GRM3: variants seen among roughly 807,000 people sequenced by gnomAD.
GRM3 encodes the protein metabotropic glutamate receptor 3.
A neutral mutation model predicts 70.5 loss-of-function variants in GRM3; 26 were observed. That is an observed-to-expected ratio of 0.37 (90% CI 0.27 to 0.51). GRM3 has a LOEUF of 0.51. GRM3 is among the 20% of genes least tolerant of loss of function. GRM3 has a pLI of 0.93. For synonymous variants in GRM3, 443 were observed against 434.9 expected, an observed-to-expected ratio of 1.02 and a Z score of -0.23; for missense variants, 859 against 1,123.8, an observed-to-expected ratio of 0.76 and a Z score of 3.37.
At chr7:86,751,966 C>G (rs1584215202) in intron 1 of GRM3, among the ~76,000 whole-genome samples, 1 of 152,148 alleles carries the variant, frequency 6.6e-6, no homozygotes. Flanking sequence ...CACAGCCACA[C>G]TAGCCATTCT....
At chr7:86,752,661 G>A (rs755244567) in intron 1 of GRM3, among the ~76,000 whole-genome samples, 5 of 152,038 alleles carry the variant, frequency 3.3e-5, no homozygotes, top group Non-Finnish European at 7.4e-5. Context: ...AGTTGCCATG[G>A]AATTTAAAGA....
At position 86,845,941 on chromosome 7, in the gene GRM3, G is replaced by A. The variant is rs964881511; in HGVS notation, c.2392-4429G>A. On this transcript the variant is annotated intron_variant, in intron 4 of 5. Coordinates refer to ENST00000361669, the MANE Select transcript of GRM3 (RefSeq NM_000840.3). Reference sequence around the variant, plus strand: ...CATGGCTTGTTCACTTAACTAATTTGGCCTTTACTCACACACCAAGTGTGT... The same window carrying A: ...CATGGCTTGTTCACTTAACTAATTTAGCCTTTACTCACACACCAAGTGTGT... Among the ~76,000 whole-genome samples the A allele has an allele frequency of 6.6e-5, 10 of 152,150 alleles. No homozygotes were observed. In the South Asian group the frequency reaches 1.9e-3, roughly 28 times the overall value.
chr7:86,857,214 C>T (rs1222866607), intron 5 of GRM3, among the ~76,000 whole-genome samples: 1 of 151,424 alleles, frequency 6.6e-6, no homozygotes. Flanking sequence ...GGTACAGACT[C>T]GTTCATGTAG....
intron 1 of GRM3, among the ~76,000 whole-genome samples, chr7:86,658,238 A>G (rs1793796903): frequency 6.6e-6 from 1 of 152,214 alleles, no homozygotes; most frequent in African/African-American, 2.4e-5. Context: ...TACAAATCTA[A>G]GCATGTCATC....
chr7:86,663,322 T>G (rs1793946352), intron 1 of GRM3, among the ~76,000 whole-genome samples: 1 of 152,002 alleles, frequency 6.6e-6, no homozygotes, highest in Non-Finnish European at 1.5e-5. Flanking sequence ...ACTCTACTGA[T>G]GCTGCTGGAG....
At chr7:86,683,068 C>T (rs1794480523) in intron 1 of GRM3, among the ~76,000 whole-genome samples, 2 of 152,126 alleles carry the variant, frequency 1.3e-5, no homozygotes, top group African/African-American at 4.8e-5. Flanking sequence ...CACAAGAAAA[C>T]AAGCCTGAAG....
At chr7:86,743,341 C>G (rs2116328927) in intron 1 of GRM3, among the ~76,000 whole-genome samples, 1 of 152,142 alleles carries the variant, frequency 6.6e-6, no homozygotes, top group South Asian at 2.1e-4. Context: ...TATCCTCCCC[C>G]AGCCACACAC....
intron 1 of GRM3, among the ~76,000 whole-genome samples, chr7:86,654,075 T>C (rs1349480883): frequency 6.6e-6 from 1 of 152,154 alleles, no homozygotes; most frequent in Admixed American, 6.5e-5. Context: ...AAGTGAATGG[T>C]TGCTTAGCTA....
chr7:86,682,324 T>C (rs1385690390), intron 1 of GRM3, among the ~76,000 whole-genome samples: 1 of 152,188 alleles, frequency 6.6e-6, no homozygotes, highest in Non-Finnish European at 1.5e-5. Context: ...GTCATAATCT[T>C]GTACATATAT....
chr7:86,864,321 G>C lies in GRM3; in HGVS notation c.2606G>C (p.Arg869Pro), dbSNP rs773651376. The C allele has an allele frequency of 3.7e-6, 6 of 1,609,862 alleles. No homozygotes were observed. ...STYVPTVCNG[R>P]EVLDSTTSSL ...TATGTGCCAACGGTGTGCAATGGGC[G>C]GGAAGTCCTCGACTCCACCACCTCA... is the stretch of plus-strand genomic sequence containing the variant. The change falls in exon 6 of 6, where the codon CGG becomes CCG. Residue 869 changes from arginine (R) to proline (P), a missense_variant. Physicochemically the swap from Arg to Pro is moderately radical, Grantham distance 103. Transcript: ENST00000361669.
At chr7:86,713,249 T>C (rs79957939) in intron 1 of GRM3, among the ~76,000 whole-genome samples, 4,643 of 152,178 alleles carry the variant, frequency 0.031, 87 homozygotes, top group East Asian at 0.06. Context: ...TATATTTTCA[T>C]ATACCTGTTA....
intron 1 of GRM3, among the ~76,000 whole-genome samples, chr7:86,763,388 A>G (rs1036022296): frequency 3.9e-5 from 6 of 152,132 alleles, no homozygotes; most frequent in African/African-American, 1.4e-4. Context: ...CTTGGGGGAT[A>G]GAAGTAAGCA....
At position 86,819,438 on chromosome 7, in the gene GRM3, A is replaced by G. The variant is rs370723585; in HGVS notation, c.1325-19401A>G. Among the ~76,000 whole-genome samples, 56 of 152,246 alleles carry G rather than the reference A, an allele frequency of 3.7e-4. 1 individual carries two copies. The South Asian group carries it at 0.012, about 32-fold the overall frequency. ...AATGAGTTGCCATATAATGCATTCA[A>G]TAAGGACAATCATAACTAAAGCCAA... is the stretch of plus-strand genomic sequence containing the variant. On this transcript the variant is annotated intron_variant, in intron 3 of 5. Transcript: ENST00000361669.
At chr7:86,853,516 C>T (rs948039281) in intron 5 of GRM3, among the ~76,000 whole-genome samples, 3 of 152,144 alleles carry the variant, frequency 2.0e-5, no homozygotes, top group Non-Finnish European at 4.4e-5. Context: ...TTAAACTGCT[C>T]TGCGTTCATT....
At chr7:86,742,281 G>GTTGTCACATTCAGCT (rs1294003572) in intron 1 of GRM3, among the ~76,000 whole-genome samples, 1 of 152,076 alleles carries the variant, frequency 6.6e-6, no homozygotes, top group African/African-American at 2.4e-5. Context: ...TGACAACCTG[G>GTTGTCACATTCAGCT]GGTCACTAGT....
At chr7:86,714,344 TAAC>T (rs1293639787) in intron 1 of GRM3, among the ~76,000 whole-genome samples, 4 of 152,008 alleles carry the variant, frequency 2.6e-5, no homozygotes, top group African/African-American at 4.8e-5. Flanking sequence ...GTCACTACTT[TAAC>T]AACAAGCTCA....
At chr7:86,656,466 A>G (rs1793748096) in intron 1 of GRM3, among the ~76,000 whole-genome samples, 1 of 151,656 alleles carries the variant, frequency 6.6e-6, no homozygotes, top group South Asian at 2.1e-4. Flanking sequence ...ATGGAGTTTC[A>G]CCATGTTGGC....
chr7:86,707,805 G>C (rs966501252), intron 1 of GRM3, among the ~76,000 whole-genome samples: 2 of 151,984 alleles, frequency 1.3e-5, no homozygotes, highest in Non-Finnish European at 2.9e-5. Flanking sequence ...ATCAATGTTT[G>C]TTTTCCTTCC....
chr7:86,727,443 CTCTGTT>C (rs1795618572), intron 1 of GRM3, among the ~76,000 whole-genome samples: 1 of 152,186 alleles, frequency 6.6e-6, no homozygotes, highest in African/African-American at 2.4e-5. Flanking sequence ...GTGACTAAGT[CTCTGTT>C]TCTGTCAGCC....
Sources: allele counts gnomAD v4.1 joint callset (sites outside exome capture counted in the v4.1 genomes callset), GRCh38; gene constraint gnomAD v4.1.1; transcripts MANE v1.5; gene names NCBI Gene and HGNC (gene_info 2026-07-23, HGNC 2026-07-21).